The following ST3GAL1 variants were observed in gnomAD, a reference collection of about 807,000 sequenced individuals.
ST3GAL1 encodes the protein CMP-N-acetylneuraminate-beta-galactosamide-alpha-2,3-sialyltransferase 1.
Under a neutral mutation model 34.1 loss-of-function variants are expected in ST3GAL1, and 16 were observed. The observed-to-expected ratio is 0.47, with a 90% CI of 0.32 to 0.71. The LOEUF is 0.71. Ranked by LOEUF, ST3GAL1 falls within the 30% of genes least tolerant of loss-of-function variation. The pLI is 0.04. For missense variants in ST3GAL1, 353 were observed against 447.4 expected (o/e 0.79, Z 1.90); for synonymous variants, 191 against 184.7 (o/e 1.03, Z -0.28).
intron 2 of ST3GAL1, among the ~76,000 whole-genome samples, chr8:133,515,081 C>T (rs528587831): frequency 6.0e-4 from 91 of 152,278 alleles, no homozygotes; most frequent in Non-Finnish European, 1.5e-4. Flanking sequence ...CACCCTCTGC[C>T]AGCTTCTTCA....
intron 2 of ST3GAL1, among the ~76,000 whole-genome samples, chr8:133,511,126 C>T (rs1016905570): frequency 9.2e-5 from 14 of 152,268 alleles, no homozygotes; most frequent in Admixed American, 8.5e-4. Context: ...TACACTTGCA[C>T]ATTTTGGCAG....
chr8:133,476,129 G>T, intron 4 of ST3GAL1, 55 bp from the exon 5 acceptor site: 2 of 1,296,594 alleles, frequency 1.5e-6, no homozygotes, highest in Non-Finnish European at 2.1e-6. Context: ...TCAATCAAAA[G>T]GGATGGCAGG....
intron 2 of ST3GAL1, among the ~76,000 whole-genome samples, chr8:133,511,709 T>C: frequency 6.6e-6 from 1 of 152,110 alleles, no homozygotes; most frequent in Non-Finnish European, 1.5e-5. Context: ...TTAGTCAGGG[T>C]TCTCTAGAGG....
intron 2 of ST3GAL1, among the ~76,000 whole-genome samples, chr8:133,543,560 AC>A (rs1429251014): frequency 6.6e-6 from 1 of 152,188 alleles, no homozygotes; most frequent in Non-Finnish European, 1.5e-5. Context: ...TGTTCTTATA[AC>A]TTTTCTATAA....
At chr8:133,487,037 G>A (rs1197057779) in intron 3 of ST3GAL1, among the ~76,000 whole-genome samples, 3 of 152,136 alleles carry the variant, frequency 2.0e-5, no homozygotes, top group East Asian at 1.9e-4. Flanking sequence ...TCTGCCTCCC[G>A]GATTCAAGCG....
intron 3 of ST3GAL1, among the ~76,000 whole-genome samples, chr8:133,494,694 G>T (rs78024593): frequency 2.8e-3 from 420 of 152,038 alleles, no homozygotes; most frequent in African/African-American, 8.9e-3. Flanking sequence ...CATTTTCCAC[G>T]ACTTTTCCTT....
intron 3 of ST3GAL1, among the ~76,000 whole-genome samples, chr8:133,493,798 A>G (rs889841229): frequency 1.3e-4 from 19 of 151,456 alleles, no homozygotes; most frequent in African/African-American, 3.6e-4. Context: ...GTGAGCTGAG[A>G]TCACGCCACT....
Position 133,464,707 on chromosome 8 carries a change from C to T in ST3GAL1, c.683+71G>A, listed in dbSNP as rs545391098. 9.5e-4 allele frequency: 1,447 copies of T among 1,529,348 alleles called. 1 individual carries two copies. The highest frequency in any genetic ancestry group is 1.2e-3 in the Non-Finnish European group (1,340 of 1,127,626). 94.7% of individuals were successfully genotyped at this position (1,529,348 alleles called of 1,614,324 possible). On this transcript the variant is annotated intron_variant, in intron 7 of 9. Coordinates refer to ENST00000522652, the MANE Select transcript of ST3GAL1 (RefSeq NM_173344.3). The stretch of plus-strand genomic sequence containing the variant: ...CCCCGGTGGAGGCACAGCAGGACCA[C>T]GGCAGGGTGGGGGGACAGGGTGCCA...
At chr8:133,562,921 G>T (rs548429631) in intron 1 of ST3GAL1, among the ~76,000 whole-genome samples, 26 of 89,274 alleles carry the variant, frequency 2.9e-4, no homozygotes, top group South Asian at 2.7e-3. Context: ...ATAGATTTTT[G>T]TTTTTTTATG....
At chr8:133,539,349 G>T (rs1219158693) in intron 2 of ST3GAL1, among the ~76,000 whole-genome samples, 1 of 152,188 alleles carries the variant, frequency 6.6e-6, no homozygotes, top group Non-Finnish European at 1.5e-5. Context: ...CAGGCAGCAG[G>T]TAAGAGAAGG....
chr8:133,475,845 G>T lies in ST3GAL1; in HGVS notation c.180C>A (p.Thr60=), dbSNP rs1485874496. 1.2e-6 allele frequency: 2 copies of T among 1,614,072 alleles called. No homozygotes were observed. The highest frequency in any genetic ancestry group is 1.7e-6 in the Non-Finnish European group (2 of 1,180,052). The stretch of plus-strand genomic sequence containing the variant: ...TGCGCTGCCCGATGCAGTGGGTGCA[G>T]GTGCAAGGCCTGTGCTTGATCAGTC... The part of the protein sequence containing the change: ...LKRLIKHRPC[T]CTHCIGQRKL... Residue 60 remains threonine, a synonymous_variant, in exon 5 of 10, where the codon ACC becomes ACA. Coordinates refer to ENST00000522652, the MANE Select transcript of ST3GAL1 (RefSeq NM_173344.3).
chr8:133,474,260 C>T (rs1035968118), intron 5 of ST3GAL1, among the ~76,000 whole-genome samples: 7 of 152,262 alleles, frequency 4.6e-5, no homozygotes, highest in South Asian at 2.1e-4. Flanking sequence ...CGCTCCTGTG[C>T]CCACTTCCTG....
At chr8:133,565,869 C>G (rs1000921787) in intron 1 of ST3GAL1, among the ~76,000 whole-genome samples, 1 of 152,216 alleles carries the variant, frequency 6.6e-6, no homozygotes, top group Non-Finnish European at 1.5e-5. Context: ...GTTCTGTGTC[C>G]TTGGCCAGTG....
At chr8:133,491,814 G>C (rs899064733) in intron 3 of ST3GAL1, among the ~76,000 whole-genome samples, 2 of 152,182 alleles carry the variant, frequency 1.3e-5, no homozygotes, top group Admixed American at 1.3e-4. Context: ...GGTTGGAGGG[G>C]TGTCACGGTG....
rs1563747963 is a variant in ST3GAL1 at position 133,570,647 on chromosome 8, A to C, written c.-582+1046T>G. Among the ~76,000 whole-genome samples the C allele has an allele frequency of 6.6e-6, 1 of 152,174 alleles. No homozygotes were observed. Among genetic ancestry groups the C allele is most frequent in the Non-Finnish European group, 1.5e-5 (1 of 68,024 alleles). ...ACGTCTCTGTGCCAAGCCGGGGCGCAAGCTCAACCCCCATCTCAAGTTCAG... is the reference window on the plus strand; with the variant it reads ...ACGTCTCTGTGCCAAGCCGGGGCGCCAGCTCAACCCCCATCTCAAGTTCAG... On this transcript the variant is annotated intron_variant, in intron 1 of 9. Transcript: ENST00000522652. The surrounding 1 kb of genome is among the most constrained non-coding windows in gnomAD (Gnocchi z 5.6).
At chr8:133,555,064 G>A (rs1245741885) in intron 1 of ST3GAL1, among the ~76,000 whole-genome samples, 5 of 152,144 alleles carry the variant, frequency 3.3e-5, no homozygotes, top group African/African-American at 1.2e-4. Flanking sequence ...GGGCTGGGGA[G>A]ACAAGGGAAT....
chr8:133,544,678 C>A (rs554531068), intron 2 of ST3GAL1, among the ~76,000 whole-genome samples: 1 of 152,306 alleles, frequency 6.6e-6, no homozygotes, highest in Non-Finnish European at 1.5e-5. Flanking sequence ...CTCAAGCTCA[C>A]ATCCATATCT....
chr8:133,488,719 G>C (rs1269770610), intron 3 of ST3GAL1, among the ~76,000 whole-genome samples: 1 of 152,220 alleles, frequency 6.6e-6, no homozygotes, highest in East Asian at 1.9e-4. Flanking sequence ...GGGTCCACAG[G>C]GTGGACAGGT....
rs60855292 is a variant in ST3GAL1, at chr8:133,564,519, TACACACACAC to T, written c.-582+7164_-582+7173del. Among the ~76,000 whole-genome samples, 703 of 145,950 alleles carry T rather than the reference TACACACACAC, an allele frequency of 4.8e-3. 6 individuals carry two copies. The highest frequency in any genetic ancestry group is 0.017 in the African/African-American group (658 of 39,168). ...ACTTTCATGTGTTTTAAAGAGAAAA[TACACACACAC>T]ACACACACACACACACACACACACA... On this transcript the variant is annotated intron_variant, in intron 1 of 9. Coordinates refer to ENST00000522652, the MANE Select transcript of ST3GAL1 (RefSeq NM_173344.3).
Sources: gnomAD v4.1 joint callset for allele counts (sites outside exome capture counted in the v4.1 genomes callset) on GRCh38, gnomAD v4.1.1 for gene constraint, Gnocchi (gnomAD v3.1) non-coding constraint, MANE v1.5 for transcripts, NCBI Gene and HGNC (gene_info 2026-07-23, HGNC 2026-07-21) for gene names.